The following PCLO variants were observed in gnomAD, a reference collection of about 807,000 sequenced individuals.
The protein encoded by PCLO is piccolo presynaptic cytomatrix protein.
Under a neutral mutation model 427.5 loss-of-function variants are expected in PCLO, and 82 were observed. The ratio of observed to expected loss-of-function variants is 0.19; its 90% CI spans 0.16 to 0.23. PCLO has a LOEUF of 0.23. PCLO is among the 10% of genes least tolerant of loss of function. PCLO has a pLI of 1.00. For missense variants in PCLO, 6,239 were observed against 6,115.9 expected (o/e 1.02, Z -0.67); for synonymous variants, 2,357 against 2,155.4 (o/e 1.09, Z -2.59).
At chr7:82,976,258 G>A (rs899929269) in intron 3 of PCLO, among the ~76,000 whole-genome samples, 2 of 152,118 alleles carry the variant, frequency 1.3e-5, no homozygotes, top group Admixed American at 6.6e-5. Flanking sequence ...CATTTAGCTT[G>A]GAGTTCAGTG....
intron 3 of PCLO, among the ~76,000 whole-genome samples, chr7:83,039,370 C>T (rs1407938944): frequency 1.3e-5 from 2 of 151,918 alleles, no homozygotes; most frequent in Admixed American, 6.6e-5. Flanking sequence ...GTTTTAGACC[C>T]ATTTTGAGTT....
intron 3 of PCLO, among the ~76,000 whole-genome samples, chr7:82,989,404 A>G (rs1239329117): frequency 6.6e-6 from 1 of 152,136 alleles, no homozygotes; most frequent in East Asian, 1.9e-4. Flanking sequence ...AATCTATTTT[A>G]AAATAGAGAA....
At chr7:83,002,177 T>TA (rs1307317509) in intron 3 of PCLO, among the ~76,000 whole-genome samples, 3 of 152,022 alleles carry the variant, frequency 2.0e-5, no homozygotes, top group African/African-American at 7.2e-5. Context: ...TAATTGGACA[T>TA]ATACTAGATC....
chr7:82,981,775 C>A (rs770920539), intron 3 of PCLO, among the ~76,000 whole-genome samples: 18 of 152,120 alleles, frequency 1.2e-4, no homozygotes, highest in African/African-American at 4.3e-4. Context: ...CATCTAAGCA[C>A]GTAAATGAAA....
intron 6 of PCLO, among the ~76,000 whole-genome samples, chr7:82,944,016 A>C (rs73385978): frequency 0.074 from 11,259 of 151,426 alleles, 1,402 homozygotes; most frequent in African/African-American, 0.26. Flanking sequence ...GCGGGGTGGC[A>C]AGCACCTGTA....
At position 82,915,804 on chromosome 7, in the gene PCLO, G is replaced by A. The variant is rs542219489; in HGVS notation, c.12182C>T (p.Ala4061Val). The A allele has an allele frequency of 1.9e-6, 3 of 1,612,918 alleles. No homozygotes were observed. In the East Asian group the frequency reaches 6.7e-5, roughly 36 times the overall value. The stretch of plus-strand genomic sequence containing the variant: ...ATGAAGGCTAAATGCGGTGCTTAAT[G>A]CCGCTGTTCCTTTGGTGATCTCTCC... Reference protein sequence around the residue: ...DIGEITKGTAALSTAFSLHEK... With the variant: ...DIGEITKGTAVLSTAFSLHEK... The change falls in exon 7 of 25, where the codon GCA (alanine) becomes GTA (valine). Residue 4061 changes from alanine (A) to valine (V), a missense_variant. Around this residue, in one of 5 missense-constraint regions of PCLO, gnomAD observed 680 missense variants for 677.3 expected, o/e 1.00. Transcript: ENST00000333891.
intron 10 of PCLO, among the ~76,000 whole-genome samples, chr7:82,854,985 G>C (rs1173610125): frequency 6.6e-6 from 1 of 152,060 alleles, no homozygotes; most frequent in Non-Finnish European, 1.5e-5. Context: ...CAGTTGAATG[G>C]TCTGAGCTGA....
chr7:82,909,966 C>T (rs942162147), intron 7 of PCLO, among the ~76,000 whole-genome samples: 1 of 152,006 alleles, frequency 6.6e-6, no homozygotes, highest in Non-Finnish European at 1.5e-5. Context: ...ATTAGTATCT[C>T]ATAGGTCTTT....
intron 20 of PCLO, chr7:82,820,608 C>A (rs926213501): frequency 8.1e-7 from 1 of 1,229,496 alleles, no homozygotes; most frequent in South Asian, 4.2e-5. Context: ...CAAGAGAGAA[C>A]TTTCACCATG....
At chr7:83,142,238 G>C (rs1791880273) in intron 2 of PCLO, among the ~76,000 whole-genome samples, 1 of 152,104 alleles carries the variant, frequency 6.6e-6, no homozygotes, top group Admixed American at 6.5e-5. Context: ...GCTCCTTTTT[G>C]TACTGTTCAC....
chr7:82,971,876 A>C (rs1440294357), intron 3 of PCLO, among the ~76,000 whole-genome samples: 1 of 151,364 alleles, frequency 6.6e-6, no homozygotes, highest in Non-Finnish European at 1.5e-5. Flanking sequence ...ATGCTTTAAG[A>C]CTGCTTCCAT....
intron 3 of PCLO, among the ~76,000 whole-genome samples, chr7:83,098,316 T>C (rs1395568876): frequency 6.6e-6 from 1 of 152,194 alleles, no homozygotes; most frequent in East Asian, 1.9e-4. Flanking sequence ...GTACTTTGTC[T>C]TTCAGATGCA....
At chr7:82,982,903 A>G (rs186838267) in intron 3 of PCLO, among the ~76,000 whole-genome samples, 1 of 151,940 alleles carries the variant, frequency 6.6e-6, no homozygotes, top group African/African-American at 2.4e-5. Flanking sequence ...AATGTTAATG[A>G]AATAATAGAA....
chr7:83,137,136 G>C (rs1372291151), intron 2 of PCLO, among the ~76,000 whole-genome samples: 2 of 152,100 alleles, frequency 1.3e-5, no homozygotes, highest in African/African-American at 4.8e-5. Flanking sequence ...AAATTGCAAA[G>C]TGTTCAGCTG....
intron 6 of PCLO, among the ~76,000 whole-genome samples, chr7:82,917,256 CCCCT>C (rs1299207784): frequency 6.6e-6 from 1 of 151,944 alleles, no homozygotes; most frequent in Non-Finnish European, 1.5e-5. Context: ...CGACTTTTGC[CCCCT>C]GGAGTGGCTG....
chr7:83,081,296 G>C (rs545051273), intron 3 of PCLO, among the ~76,000 whole-genome samples: 1 of 151,990 alleles, frequency 6.6e-6, no homozygotes, highest in East Asian at 1.9e-4. Context: ...GCCAAATACA[G>C]ATTTTATAAT....
rs777233610 is a variant in PCLO, at chr7:82,847,210, A to T, written c.13692T>A (p.Thr4564=). ...QVLEWNGIPL[T]SKTYEEVQSI... Reference sequence around the variant, plus strand: ...TCTGAACTTCTTCATATGTTTTAGAAGTCAAGGGAATTCCATTCCATTCCA... The same window carrying T: ...TCTGAACTTCTTCATATGTTTTAGATGTCAAGGGAATTCCATTCCATTCCA... The change falls in exon 11 of 25, where the codon ACT becomes ACA. Residue 4564 remains threonine (T), a synonymous_variant. Coordinates refer to ENST00000333891, the MANE Select transcript of PCLO (RefSeq NM_033026.6). 1.2e-6 allele frequency: 2 copies of T among 1,603,754 alleles called. No homozygotes were observed. The highest frequency in any genetic ancestry group is 1.1e-5 in the South Asian group (1 of 90,450).
intron 3 of PCLO, among the ~76,000 whole-genome samples, chr7:83,077,904 A>C (rs1053442297): frequency 6.6e-6 from 1 of 152,108 alleles, no homozygotes; most frequent in Non-Finnish European, 1.5e-5. Flanking sequence ...AAAAATGCAG[A>C]CGCTTAATGG....
chr7:82,961,663 A>G lies in PCLO; in HGVS notation c.4017+4108T>C, dbSNP rs963100582. Among the ~76,000 whole-genome samples the G allele has an allele frequency of 2.0e-5, 3 of 152,190 alleles. No individual in the cohort carries two copies. The South Asian group carries it at 6.2e-4, about 31-fold the overall frequency. Reference sequence around the variant, plus strand: ...ATTTAATCAATAGATGGACAATACTATTATCTTACTTGTCATGTCAGTTGG... The same window carrying G: ...ATTTAATCAATAGATGGACAATACTGTTATCTTACTTGTCATGTCAGTTGG... On this transcript the variant is annotated intron_variant, in intron 4 of 24. Coordinates refer to ENST00000333891, the MANE Select transcript of PCLO (RefSeq NM_033026.6).
Sources: gnomAD v4.1 joint callset for allele counts (sites outside exome capture counted in the v4.1 genomes callset) on GRCh38, gnomAD v4.1.1 for gene constraint, gnomAD v4.1.1 regional missense constraint, MANE v1.5 for transcripts, NCBI Gene and HGNC (gene_info 2026-07-23, HGNC 2026-07-21) for gene names.